JARID2: variants seen among roughly 807,000 people sequenced by gnomAD.
The protein encoded by JARID2 is protein Jumonji.
Under a neutral mutation model 125.6 loss-of-function variants are expected in JARID2, and 21 were observed. The ratio of observed to expected loss-of-function variants is 0.17; its 90% CI spans 0.12 to 0.24. JARID2 has a LOEUF of 0.24. JARID2 is among the 10% of genes least tolerant of loss of function. The probability of loss-of-function intolerance (pLI) is 1.00; values close to 1 mark genes in which losing one functional copy is unlikely to be tolerated. For missense variants in JARID2, 1,303 were observed against 1,639.6 expected, an observed-to-expected ratio of 0.79 and a Z score of 3.55; for synonymous variants, 736 against 661.6, an observed-to-expected ratio of 1.11 and a Z score of -1.73.
At chr6:15,368,934 A>G (rs1764069722) in intron 1 of JARID2, among the ~76,000 whole-genome samples, 1 of 152,130 alleles carries the variant, frequency 6.6e-6, no homozygotes, top group African/African-American at 2.4e-5. Flanking sequence ...GAGCCCCTAG[A>G]TCTGGATGGG....
intron 1 of JARID2, among the ~76,000 whole-genome samples, chr6:15,355,485 A>G (rs146478761): frequency 2.2e-3 from 329 of 152,338 alleles, no homozygotes; most frequent in Non-Finnish European, 2.9e-3. Context: ...TTTAAGTACA[A>G]TTTGATTTTA....
At chr6:15,494,780 A>AC (rs1212565394) in intron 6 of JARID2, among the ~76,000 whole-genome samples, 6 of 151,990 alleles carry the variant, frequency 3.9e-5, no homozygotes, top group Non-Finnish European at 7.4e-5. Context: ...AAGACTCATT[A>AC]CCCGCCATCT....
chr6:15,447,418 A>G (rs1211001455), intron 3 of JARID2, among the ~76,000 whole-genome samples: 3 of 152,136 alleles, frequency 2.0e-5, no homozygotes, highest in Non-Finnish European at 2.9e-5. Context: ...CATGATTGCT[A>G]CTTCCGTGGT....
Position 15,282,897 on chromosome 6 carries a change from G to A in JARID2, c.45+36313G>A, listed in dbSNP as rs374394817. Among the ~76,000 whole-genome samples, 91 of 152,072 alleles carry A rather than the reference G, an allele frequency of 6.0e-4. 1 individual carries two copies. In the South Asian group the frequency reaches 0.016, roughly 27 times the overall value. ...ATTACAGGCGTGAGCCACCCCGCCC[G>A]GTCTGATTGTTGGTCTTTTTCTTAT... On this transcript the variant is annotated intron_variant, in intron 1 of 17. Transcript: ENST00000341776.
intron 1 of JARID2, among the ~76,000 whole-genome samples, chr6:15,312,940 G>T (rs540787042): frequency 1.3e-5 from 2 of 152,268 alleles, no homozygotes; most frequent in South Asian, 4.1e-4. Flanking sequence ...TATACTGACT[G>T]ACCCAAGCCT....
intron 3 of JARID2, among the ~76,000 whole-genome samples, chr6:15,413,088 C>T (rs562054143): frequency 4.4e-5 from 6 of 135,568 alleles, no homozygotes; most frequent in South Asian, 2.4e-4. Flanking sequence ...GGTGCGATCT[C>T]GGCTCACCGC....
intron 3 of JARID2, among the ~76,000 whole-genome samples, chr6:15,429,280 A>G (rs1766871080): frequency 6.7e-6 from 1 of 149,716 alleles, no homozygotes; most frequent in African/African-American, 2.5e-5. Flanking sequence ...TTTTTTTTTG[A>G]GGTAGTTGTG....
chr6:15,336,307 A>G (rs981566719), intron 1 of JARID2, among the ~76,000 whole-genome samples: 5 of 152,276 alleles, frequency 3.3e-5, no homozygotes, highest in African/African-American at 1.2e-4. Flanking sequence ...TGGTTCAGTA[A>G]TATTTCGCTA....
At chr6:15,507,808 G>A (rs1771081860) in intron 11 of JARID2, among the ~76,000 whole-genome samples, 2 of 152,218 alleles carry the variant, frequency 1.3e-5, no homozygotes, top group African/African-American at 4.8e-5. Flanking sequence ...GAAAGCCAAG[G>A]GGTCATGGAG....
At chr6:15,444,424 G>T (rs915193143) in intron 3 of JARID2, among the ~76,000 whole-genome samples, 1 of 152,204 alleles carries the variant, frequency 6.6e-6, no homozygotes, top group Non-Finnish European at 1.5e-5. Context: ...GCTCGCAACC[G>T]CACTTGCATT....
intron 1 of JARID2, among the ~76,000 whole-genome samples, chr6:15,251,685 G>A (rs992630656): frequency 1.3e-5 from 2 of 152,100 alleles, no homozygotes; most frequent in Admixed American, 1.3e-4. Flanking sequence ...TGTCAACCTT[G>A]AAACAGTGTG....
At chr6:15,408,539 A>G (rs1172051385) in intron 2 of JARID2, among the ~76,000 whole-genome samples, 1 of 152,212 alleles carries the variant, frequency 6.6e-6, no homozygotes, top group Non-Finnish European at 1.5e-5. Context: ...TGATCAGTAA[A>G]GATATTATTT....
intron 2 of JARID2, among the ~76,000 whole-genome samples, chr6:15,391,221 G>A (rs563822353): frequency 4.5e-4 from 68 of 152,234 alleles, no homozygotes; most frequent in African/African-American, 1.4e-3. Context: ...AGACTGCTGC[G>A]GCCCTGACAA....
At chr6:15,409,116 T>C (rs933299006) in intron 2 of JARID2, among the ~76,000 whole-genome samples, 1 of 152,252 alleles carries the variant, frequency 6.6e-6, no homozygotes, top group African/African-American at 2.4e-5. Flanking sequence ...AATGTTTATG[T>C]ATTTTTTAAT....
chr6:15,483,329 TTCAG>T (rs1236735618), intron 5 of JARID2, among the ~76,000 whole-genome samples: 1 of 152,160 alleles, frequency 6.6e-6, no homozygotes, highest in Non-Finnish European at 1.5e-5. Context: ...GGGGCCATGA[TTCAG>T]TCATACTCAC....
intron 4 of JARID2, among the ~76,000 whole-genome samples, chr6:15,465,830 G>T (rs1261019461): frequency 6.6e-6 from 1 of 151,592 alleles, no homozygotes; most frequent in Admixed American, 6.6e-5. Flanking sequence ...TTGAGACGGA[G>T]TCTTGTTCTG....
At chr6:15,295,413 T>A (rs1453125725) in intron 1 of JARID2, among the ~76,000 whole-genome samples, 1 of 152,124 alleles carries the variant, frequency 6.6e-6, no homozygotes, top group Non-Finnish European at 1.5e-5. Flanking sequence ...GAGCCACTGC[T>A]CCTGTCATTT....
At chr6:15,507,772 C>CGG (rs1369241950) in intron 11 of JARID2, among the ~76,000 whole-genome samples, 3 of 152,090 alleles carry the variant, frequency 2.0e-5, no homozygotes, top group Non-Finnish European at 4.4e-5. Context: ...TCGTAAGGGA[C>CGG]GGATGGATGC....
At chr6:15,458,945 A>T (rs192211464) in intron 4 of JARID2, among the ~76,000 whole-genome samples, 1 of 151,260 alleles carries the variant, frequency 6.6e-6, no homozygotes, top group East Asian at 1.9e-4. Context: ...TCTTCAAGTC[A>T]GGGGTGACAT....
Sources: gnomAD v4.1 joint callset for allele counts (sites outside exome capture counted in the v4.1 genomes callset) on GRCh38, gnomAD v4.1.1 for gene constraint, MANE v1.5 for transcripts, NCBI Gene and HGNC (gene_info 2026-07-23, HGNC 2026-07-21) for gene names.